Variants in PPP3CA observed in about 807,000 individuals in gnomAD.
PPP3CA encodes CAM-PRP catalytic subunit.
PPP3CA carries 14 observed loss-of-function variants against 66.5 expected under a neutral mutation model. The ratio of observed to expected loss-of-function variants is 0.21; its 90% CI spans 0.14 to 0.33. PPP3CA has a LOEUF of 0.33. Ranked by LOEUF, PPP3CA falls within the 10% of genes least tolerant of loss-of-function variation. The probability of loss-of-function intolerance (pLI) is 1.00; values close to 1 mark genes in which losing one functional copy is unlikely to be tolerated. For missense variants in PPP3CA, 317 were observed against 639.5 expected, an observed-to-expected ratio of 0.50 and a Z score of 5.44; for synonymous variants, 232 against 226.2, an observed-to-expected ratio of 1.03 and a Z score of -0.23.
chr4:101,034,175 A>G (rs1408333648), intron 11 of PPP3CA, among the ~76,000 whole-genome samples: 2 of 151,966 alleles, frequency 1.3e-5, no homozygotes, highest in Admixed American at 6.6e-5. Flanking sequence ...CTTGGTCAAC[A>G]TTTCCTACCA....
At chr4:101,055,822 C>T (rs778272117) in intron 10 of PPP3CA, among the ~76,000 whole-genome samples, 6 of 151,824 alleles carry the variant, frequency 4.0e-5, no homozygotes, top group Non-Finnish European at 5.9e-5. Context: ...AAATCTATTT[C>T]TTCATTTCAT....
At chr4:101,303,615 CA>C (rs1289957582) in intron 1 of PPP3CA, among the ~76,000 whole-genome samples, 1 of 152,092 alleles carries the variant, frequency 6.6e-6, no homozygotes, top group Non-Finnish European at 1.5e-5. Context: ...ACATCTTTAA[CA>C]ATTAACTTAT....
intron 1 of PPP3CA, among the ~76,000 whole-genome samples, chr4:101,279,771 A>G (rs1425772174): frequency 6.6e-6 from 1 of 152,198 alleles, no homozygotes; most frequent in Admixed American, 6.5e-5. Context: ...AAGAGGGAAG[A>G]GCCAAGAGAA....
chr4:101,057,148 G>A lies in PPP3CA; in HGVS notation c.1156+3939C>T, dbSNP rs577104201. 8.6e-5 allele frequency among the ~76,000 whole-genome samples: 13 copies of A among 151,624 alleles called. 1 individual carries two copies. The highest frequency in any genetic ancestry group is 5.9e-4 in the Admixed American group (9 of 15,200). On this transcript the variant is annotated intron_variant, in intron 10 of 13. Coordinates refer to ENST00000394854, the MANE Select transcript of PPP3CA (RefSeq NM_000944.5). ...CGGCTCACTGCAACCTCTGTCTCCCGGGTTCAAGCGATTCTTGTGCCTCAG... is the reference window on the plus strand; with the variant it reads ...CGGCTCACTGCAACCTCTGTCTCCCAGGTTCAAGCGATTCTTGTGCCTCAG...
chr4:101,029,785 T>TAAAC (rs1393144085), intron 12 of PPP3CA, among the ~76,000 whole-genome samples: 1 of 149,966 alleles, frequency 6.7e-6, no homozygotes, highest in Admixed American at 6.7e-5. Context: ...TCTTTAAAGA[T>TAAAC]AAACACATCA....
chr4:101,160,079 A>C (rs1175108531), intron 2 of PPP3CA, among the ~76,000 whole-genome samples: 2 of 151,524 alleles, frequency 1.3e-5, no homozygotes, highest in Non-Finnish European at 2.9e-5. Flanking sequence ...GTAGAGAAGA[A>C]AAATGTGAAA....
chr4:101,182,864 A>T (rs796081286), intron 2 of PPP3CA, among the ~76,000 whole-genome samples: 21 of 152,160 alleles, frequency 1.4e-4, no homozygotes, highest in African/African-American at 4.6e-4. Flanking sequence ...TAAAAATGGG[A>T]GATTTCCTGC....
intron 8 of PPP3CA, among the ~76,000 whole-genome samples, chr4:101,075,534 C>T (rs1015211517): frequency 2.0e-5 from 3 of 152,156 alleles, no homozygotes; most frequent in African/African-American, 7.2e-5. Context: ...AGAACTTGTA[C>T]CACATGGAAA....
At chr4:101,139,347 C>CAAAAAAAAA (rs56658441) in intron 2 of PPP3CA, among the ~76,000 whole-genome samples, 4 of 96,750 alleles carry the variant, frequency 4.1e-5, no homozygotes, top group Non-Finnish European at 8.7e-5. Context: ...GACTCCGTCT[C>CAAAAAAAAA]AAAAAAAAAA....
intron 2 of PPP3CA, among the ~76,000 whole-genome samples, chr4:101,154,181 A>C (rs1560629991): frequency 6.6e-6 from 1 of 152,184 alleles, no homozygotes; most frequent in Non-Finnish European, 1.5e-5. Context: ...ACTCTAAATT[A>C]CTTCTTGGCC....
At chr4:101,168,991 C>T (rs1452133907) in intron 2 of PPP3CA, among the ~76,000 whole-genome samples, 4 of 152,080 alleles carry the variant, frequency 2.6e-5, no homozygotes, top group Non-Finnish European at 1.5e-5. Flanking sequence ...GCTGGATGAT[C>T]AATAATATGT....
At chr4:101,057,559 G>A (rs1356660894) in intron 10 of PPP3CA, among the ~76,000 whole-genome samples, 1 of 152,042 alleles carries the variant, frequency 6.6e-6, no homozygotes, top group Admixed American at 6.6e-5. Flanking sequence ...TCTTAAACTT[G>A]CATCTAGAAA....
In PPP3CA at chr4:101,347,065, A is replaced by G; in HGVS notation, c.-269T>C. Reference sequence around the variant, plus strand: ...GGCTGCGCGTGTGTGGTGGTTATTTATTTATTTTCTGAGCACGCCTCCCGG... The same window carrying G: ...GGCTGCGCGTGTGTGGTGGTTATTTGTTTATTTTCTGAGCACGCCTCCCGG... On this transcript the variant is annotated 5_prime_UTR_variant, in exon 1 of 14. Transcript: ENST00000394854. 5 of 548,042 alleles carry G rather than the reference A, an allele frequency of 9.1e-6. No homozygotes were observed. The highest frequency in any genetic ancestry group is 1.6e-5 in the Non-Finnish European group (5 of 311,672). The allele number at this position is 548,042 out of a possible 1,614,324, so 33.9% of individuals were successfully genotyped here. A position where few individuals can be genotyped will look rare whatever the true frequency, so the allele number is the denominator to read the frequency against.
chr4:101,320,338 G>A (rs901780719), intron 1 of PPP3CA, among the ~76,000 whole-genome samples: 3 of 151,964 alleles, frequency 2.0e-5, no homozygotes, highest in Admixed American at 2.0e-4. Flanking sequence ...AAAATTAATT[G>A]TTTACTTGCA....
At chr4:101,159,844 T>C (rs1723445284) in intron 2 of PPP3CA, among the ~76,000 whole-genome samples, 1 of 152,146 alleles carries the variant, frequency 6.6e-6, no homozygotes, top group Non-Finnish European at 1.5e-5. Context: ...TGCCTTTTTC[T>C]GCTTGCTTCA....
At chr4:101,097,697 T>C (rs909346815) in intron 5 of PPP3CA, among the ~76,000 whole-genome samples, 1 of 152,142 alleles carries the variant, frequency 6.6e-6, no homozygotes, top group African/African-American at 2.4e-5. Flanking sequence ...CTATCTATTG[T>C]ACTACATAAA....
intron 8 of PPP3CA, among the ~76,000 whole-genome samples, chr4:101,068,439 C>A (rs1473481388): frequency 6.6e-6 from 1 of 152,030 alleles, no homozygotes; most frequent in Non-Finnish European, 1.5e-5. Context: ...TCTATGGCAG[C>A]ATTTGAAGAT....
intron 2 of PPP3CA, among the ~76,000 whole-genome samples, chr4:101,111,746 C>G (rs1721677393): frequency 6.6e-6 from 1 of 152,234 alleles, no homozygotes; most frequent in Non-Finnish European, 1.5e-5. Context: ...GGGGGTGATA[C>G]TGGTACCTTA....
intron 1 of PPP3CA, chr4:101,330,372 T>C (rs775836082): frequency 6.6e-5 from 34 of 514,774 alleles, no homozygotes; most frequent in South Asian, 1.3e-4. Flanking sequence ...AAAAATCTAC[T>C]TTCTTTGCTC....
Sources: allele counts gnomAD v4.1 joint callset (sites outside exome capture counted in the v4.1 genomes callset), GRCh38; gene constraint gnomAD v4.1.1; transcripts MANE v1.5; gene names NCBI Gene and HGNC (gene_info 2026-07-23, HGNC 2026-07-21).